SRSF2: variants seen among roughly 807,000 people sequenced by gnomAD.
The protein encoded by SRSF2 is serine and arginine rich splicing factor 2.
SRSF2 carries 4 observed loss-of-function variants against 15.7 expected under a neutral mutation model. The observed-to-expected ratio is 0.26, with a 90% CI of 0.13 to 0.58. SRSF2 has a LOEUF of 0.58. SRSF2 is among the 20% of genes least tolerant of loss of function. The pLI is 0.90. For synonymous variants in SRSF2, 192 were observed against 138.9 expected (o/e 1.38, Z -2.69); for missense variants, 147 against 332.4 (o/e 0.44, Z 4.34).
At chr17:76,736,716 G>C (rs1377851002) in intron 1 of SRSF2, 83 bp downstream of exon 1, 7 of 1,347,364 alleles carry the variant, frequency 5.2e-6, no homozygotes, top group Non-Finnish European at 5.7e-6. Flanking sequence ...CGCACCACGT[G>C]CTTCGCCGCG....
At position 76,735,023 on chromosome 17, in the gene SRSF2, T is replaced by TA. The variant is rs1598423125; in HGVS notation, c.*142dup. The TA allele has an allele frequency of 4.5e-6, 1 of 221,992 alleles. No individual in the cohort carries two copies. The allele number at this position is 221,992 out of a possible 1,614,324, so 13.8% of individuals were successfully genotyped here. Reference sequence around the variant, plus strand: ...GAAGTTTGCCAACTGAGGCAAAGCTTAAACAAGTAAAAAGTTAGACAAATG... The same window carrying TA: ...GAAGTTTGCCAACTGAGGCAAAGCTTAAAACAAGTAAAAAGTTAGACAAATG... On this transcript the variant is annotated 3_prime_UTR_variant, in exon 3 of 3. Coordinates refer to ENST00000359995, the MANE Select transcript of SRSF2 (RefSeq NM_001195427.2).
Position 76,736,142 on chromosome 17 carries a change from C to G in SRSF2, c.*7+12G>C, listed in dbSNP as rs762887066. 6.3e-7 allele frequency: 1 copy of G among 1,579,344 alleles called. No individual in the cohort carries two copies. Among genetic ancestry groups the G allele is most frequent in the Non-Finnish European group, 8.6e-7 (1 of 1,161,050 alleles). On this transcript the variant is annotated intron_variant, in intron 2 of 2. Transcript: ENST00000359995. ...GAATTAGGGTTATGTGTCTCGGATT[C>G]CCAGACATTACCATTTTCTTAAGAG...
At chr17:76,736,755 G>A in intron 1 of SRSF2, 44 bp downstream of exon 1, 4 of 1,396,314 alleles carry the variant, frequency 2.9e-6, no homozygotes, top group Non-Finnish European at 3.7e-6. Context: ...CGGGCCTCCC[G>A]CGCGCCCCGC....
intron 2 of SRSF2, chr17:76,735,395 GA>G (rs948623170): frequency 9.7e-5 from 13 of 133,938 alleles, no homozygotes; most frequent in Middle Eastern, 2.7e-3. Flanking sequence ...GTAAGGGGAA[GA>G]AAAAAAAAGA....
intron 2 of SRSF2, 147 bp downstream of exon 2, chr17:76,736,007 C>G: frequency 1.3e-6 from 1 of 769,068 alleles, no homozygotes. Context: ...GCAGACCCCT[C>G]TCTTCAGTAT....
rs753312096 is a variant in SRSF2, at chr17:76,736,419, G to A, written c.408C>T (p.Ser136=). 4 of 1,613,754 alleles carry A rather than the reference G, an allele frequency of 2.5e-6. No individual in the cohort carries two copies. The highest frequency in any genetic ancestry group is 3.3e-5 in the Admixed American group (2 of 60,034). Residue 136 remains serine (S), a synonymous_variant, in exon 2 of 3, where the codon TCC becomes TCT. Transcript: ENST00000359995. ...RRSRSRSRSR[S]RSRSRSRYSR... is the part of the protein sequence containing the mutation. Reference sequence around the variant, plus strand: ...TGTAGCGAGATCGGCTGCGAGACCTGGAACGACTCCGACTCCGGGATCGGC... The same window carrying A: ...TGTAGCGAGATCGGCTGCGAGACCTAGAACGACTCCGACTCCGGGATCGGC...
In SRSF2 at chr17:76,734,225, A is replaced by G. The variant is rs1271799468; in HGVS notation, c.*941T>C. 4.5e-6 allele frequency: 1 copy of G among 222,644 alleles called. No individual in the cohort carries two copies. The highest frequency in any genetic ancestry group is 2.2e-5 in the African/African-American group (1 of 44,712). The allele number at this position is 222,644 out of a possible 1,614,324, so 13.8% of individuals were successfully genotyped here. A position where few individuals can be genotyped will look rare whatever the true frequency, so the allele number is the denominator to read the frequency against. ...ATACACCATGTTATAAGTACTTACAAAGTTACAACCATTTGCTTCCTTAAC... is the reference window on the plus strand; with the variant it reads ...ATACACCATGTTATAAGTACTTACAGAGTTACAACCATTTGCTTCCTTAAC... On this transcript the variant is annotated 3_prime_UTR_variant, in exon 3 of 3. Transcript: ENST00000359995.
rs781775847 is a variant in SRSF2, at chr17:76,736,301, C to G, written c.526G>C (p.Val176Leu). Residue 176 changes from valine (V) to leucine (L), a missense_variant, in exon 2 of 3, where the codon GTC becomes CTC. Physicochemically the swap from Val to Leu is conservative, Grantham distance 32. Around this residue, in one of 2 missense-constraint regions of SRSF2, gnomAD observed 125 missense variants for 185.1 expected, o/e 0.68. Coordinates refer to ENST00000359995, the MANE Select transcript of SRSF2 (RefSeq NM_001195427.2). ...ARRSKSKSSS[V>L]SRSRSRSRSR... ...CTGGACCGCGAACGAGATCTGGAGACCGACGAGGACTTGGACTTGGACCTT... is the reference window on the plus strand; with the variant it reads ...CTGGACCGCGAACGAGATCTGGAGAGCGACGAGGACTTGGACTTGGACCTT... 2 of 1,614,130 alleles carry G rather than the reference C, an allele frequency of 1.2e-6. No individual in the cohort carries two copies.
Position 76,737,041 on chromosome 17 carries a change from G to A in SRSF2, c.120C>T (p.Val40=). 6.2e-7 allele frequency: 1 copy of A among 1,613,368 alleles called. No homozygotes were observed. Among genetic ancestry groups the A allele is most frequent in the Non-Finnish European group, 8.5e-7 (1 of 1,179,800 alleles). Residue 40 remains valine (V), a synonymous_variant, in exon 1 of 3, where the codon GTC becomes GTT. Coordinates refer to ENST00000359995, the MANE Select transcript of SRSF2 (RefSeq NM_001195427.2). ...LRRVFEKYGR[V]GDVYIPRDRY... ...GGTCCCGCGGGATGTACACGTCGCC[G>A]ACGCGCCCGTACTTCTCGAAGACGC... is the stretch of plus-strand genomic sequence containing the variant.
chr17:76,736,488 A>T, intron 1 of SRSF2, 24 bp from the exon 2 acceptor site: 1 of 1,604,228 alleles, frequency 6.2e-7, no homozygotes, highest in Non-Finnish European at 8.5e-7. Context: ...GAGCAAGCAC[A>T]GCGGGGTTAA....
At chr17:76,736,058 G>A in intron 2 of SRSF2, 96 bp downstream of exon 2, 1 of 1,224,256 alleles carries the variant, frequency 8.2e-7, no homozygotes, top group Non-Finnish European at 1.1e-6. Flanking sequence ...CACTCCTAAT[G>A]ATAGGAGTCA....
chr17:76,734,762 G>C lies in SRSF2; in HGVS notation c.*404C>G. ...AATTTTAAGGAATGAAGGCAATGCT[G>C]AGTCAATCTCTTGACAGCTTTAGGC... On this transcript the variant is annotated 3_prime_UTR_variant, in exon 3 of 3. Coordinates refer to ENST00000359995, the MANE Select transcript of SRSF2 (RefSeq NM_001195427.2). The C allele has an allele frequency of 4.2e-6, 1 of 237,308 alleles. No individual in the cohort carries two copies. Among genetic ancestry groups the C allele is most frequent in the Non-Finnish European group, 9.0e-6 (1 of 111,550 alleles). 14.7% of individuals were successfully genotyped at this position (237,308 alleles called of 1,614,324 possible).
In SRSF2 at chr17:76,736,365, A is replaced by T. The variant is rs1327545637; in HGVS notation, c.462T>A (p.Arg154=). 2 of 1,614,134 alleles carry T rather than the reference A, an allele frequency of 1.2e-6. No homozygotes were observed. Among genetic ancestry groups the T allele is most frequent in the Non-Finnish European group, 1.7e-6 (2 of 1,180,024 alleles). The change falls in exon 2 of 3, where the codon CGT becomes CGA. Residue 154 remains arginine, a synonymous_variant. Transcript: ENST00000359995. Reference sequence around the variant, plus strand: ...ACTTGGAGGTCGACCGAGATCGAGAACGAGTGCGGGACCGAGACTTCGAGC... The same window carrying T: ...ACTTGGAGGTCGACCGAGATCGAGATCGAGTGCGGGACCGAGACTTCGAGC... ...YSRSKSRSRT[R]SRSRSTSKSR...
chr17:76,737,051 T>C lies in SRSF2; in HGVS notation c.110A>G (p.Tyr37Cys). 6.2e-7 allele frequency: 1 copy of C among 1,613,294 alleles called. No homozygotes were observed. Among genetic ancestry groups the C allele is most frequent in the East Asian group, 2.2e-5 (1 of 44,858 alleles). Reference sequence around the variant, plus strand: ...GATGTACACGTCGCCGACGCGCCCGTACTTCTCGAAGACGCGCCTCAGCGT... The same window carrying C: ...GATGTACACGTCGCCGACGCGCCCGCACTTCTCGAAGACGCGCCTCAGCGT... ...PDTLRRVFEK[Y>C]GRVGDVYIPR... Residue 37 changes from tyrosine (Y) to cysteine (C), a missense_variant, in exon 1 of 3, where the codon TAC (tyrosine) becomes TGC (cysteine). Transcript: ENST00000359995.
Position 76,737,255 on chromosome 17 carries a change from C to G in SRSF2, c.-95G>C, listed in dbSNP as rs961615299. Reference sequence around the variant, plus strand: ...GCGCCTCTCAGGCAGTTGCCTTCCGCGTGGGGACACTGGGAAAGGCCTTGC... The same window carrying G: ...GCGCCTCTCAGGCAGTTGCCTTCCGGGTGGGGACACTGGGAAAGGCCTTGC... On this transcript the variant is annotated 5_prime_UTR_variant, in exon 1 of 3. Coordinates refer to ENST00000359995, the MANE Select transcript of SRSF2 (RefSeq NM_001195427.2). 1.5e-5 allele frequency: 22 copies of G among 1,439,448 alleles called. No individual in the cohort carries two copies. Among genetic ancestry groups the G allele is most frequent in the Admixed American group, 5.4e-5 (2 of 36,710 alleles). 89.2% of individuals were successfully genotyped at this position (1,439,448 alleles called of 1,614,324 possible).
chr17:76,736,545 G>T, intron 1 of SRSF2, 81 bp from the exon 2 acceptor site: 1 of 1,448,730 alleles, frequency 6.9e-7, no homozygotes, highest in South Asian at 1.3e-5. Context: ...CGCCCAGGCC[G>T]CCATTATCTC....
In SRSF2 at chr17:76,734,875, C is replaced by G. The variant is rs1396575156; in HGVS notation, c.*291G>C. Reference sequence around the variant, plus strand: ...CTGTTTAATTTCAAACAAAAAAAGTCAGCACTATATAACAAAATGAAATTT... The same window carrying G: ...CTGTTTAATTTCAAACAAAAAAAGTGAGCACTATATAACAAAATGAAATTT... On this transcript the variant is annotated 3_prime_UTR_variant, in exon 3 of 3. Transcript: ENST00000359995. 1 of 239,342 alleles carries G rather than the reference C, an allele frequency of 4.2e-6. No homozygotes were observed. The highest frequency in any genetic ancestry group is 8.8e-6 in the Non-Finnish European group (1 of 113,104). 14.8% of individuals were successfully genotyped at this position (239,342 alleles called of 1,614,324 possible). A position where few individuals can be genotyped will look rare whatever the true frequency, so the allele number is the denominator to read the frequency against.
chr17:76,736,778 G>C, intron 1 of SRSF2, 21 bp downstream of exon 1: 1 of 1,416,852 alleles, frequency 7.1e-7, no homozygotes, highest in African/African-American at 1.5e-5. Context: ...CGCCTCCCGC[G>C]GTCCCCTCAG....
rs1804420 is a variant in SRSF2 at position 76,734,337 on chromosome 17, A to G, written c.*829T>C. On this transcript the variant is annotated 3_prime_UTR_variant, in exon 3 of 3. Transcript: ENST00000359995. ...GGGAAAAAAAGGTGTATTTATCATC[A>G]GCTAGATGTGCTCACTGTATGCTCC... 1 of 239,116 alleles carries G rather than the reference A, an allele frequency of 4.2e-6. No homozygotes were observed. The highest frequency in any genetic ancestry group is 8.7e-6 in the Non-Finnish European group (1 of 114,772). The allele number at this position is 239,116 out of a possible 1,614,324, so 14.8% of individuals were successfully genotyped here. A position where few individuals can be genotyped will look rare whatever the true frequency, so the allele number is the denominator to read the frequency against.
Sources: gnomAD v4.1 joint callset for allele counts on GRCh38, gnomAD v4.1.1 for gene constraint, gnomAD v4.1.1 regional missense constraint, MANE v1.5 for transcripts, NCBI Gene and HGNC (gene_info 2026-07-23, HGNC 2026-07-21) for gene names.